TMEM91: variants seen among roughly 807,000 people sequenced by gnomAD.
The protein encoded by TMEM91 is transmembrane protein 91.
A neutral mutation model predicts 13.3 loss-of-function variants in TMEM91; 6 were observed. That is an observed-to-expected ratio of 0.45 (90% CI 0.25 to 0.89). The LOEUF (loss-of-function observed/expected upper bound fraction) is 0.89, where lower values mean the gene tolerates loss of function less well. TMEM91 is among the 40% of genes least tolerant of loss of function. The pLI is 0.19. For synonymous variants in TMEM91, 87 were observed against 101.7 expected (o/e 0.86, Z 0.87); for missense variants, 193 against 228.7 (o/e 0.84, Z 1.01).
chr19:41,383,640 G>A (rs1568494447), intron 3 of TMEM91, 75 bp from the exon 4 acceptor site: 1 of 1,614,092 alleles, frequency 6.2e-7, no homozygotes, highest in African/African-American at 1.3e-5. Context: ...TGGGTATGTT[G>A]GGTGGGGGAG....
chr19:41,384,065 A>G lies in TMEM91; in HGVS notation c.*192A>G. On this transcript the variant is annotated 3_prime_UTR_variant, in exon 4 of 4. Coordinates refer to ENST00000392002, the MANE Select transcript of TMEM91 (RefSeq NM_001098821.2). ...CGGCAGCAACCTGAGATTAAACACCAGACACCCTTGCAGCCAAACCAGAGT... is the reference window on the plus strand; with the variant it reads ...CGGCAGCAACCTGAGATTAAACACCGGACACCCTTGCAGCCAAACCAGAGT... The G allele has an allele frequency of 9.6e-7, 1 of 1,044,396 alleles. No individual in the cohort carries two copies. The highest frequency in any genetic ancestry group is 1.7e-5 in the African/African-American group (1 of 60,298). The allele number at this position is 1,044,396 out of a possible 1,614,324, so 64.7% of individuals were successfully genotyped here. A position where few individuals can be genotyped will look rare whatever the true frequency, so the allele number is the denominator to read the frequency against.
At position 41,378,431 on chromosome 19, in the gene TMEM91, C is replaced by A. The variant is rs753098355; in HGVS notation, c.122C>A (p.Ala41Asp). ...LGSPLREIAF[A>D]ESLRGLQFLS... ...TCCCCCTTAAGAGAGATAGCCTTTG[C>A]CGAGTCCCTGAGGGGTTTGCAGTTC... The change falls in exon 2 of 4, where the codon GCC (alanine) becomes GAC (aspartate). Residue 41 changes from alanine to aspartate, a missense_variant. Ala to Asp is a moderately radical substitution (Grantham distance 126). Coordinates refer to ENST00000392002, the MANE Select transcript of TMEM91 (RefSeq NM_001098821.2). 1 of 1,614,188 alleles carries A rather than the reference C, an allele frequency of 6.2e-7. No homozygotes were observed. The highest frequency in any genetic ancestry group is 2.2e-5 in the East Asian group (1 of 44,880).
chr19:41,369,015 C>T (rs541329905), intron 1 of TMEM91, among the ~76,000 whole-genome samples: 3 of 152,008 alleles, frequency 2.0e-5, no homozygotes, highest in Non-Finnish European at 4.4e-5. Context: ...ACTCTGGTGG[C>T]GGAGGTGGGA....
chr19:41,371,663 C>T (rs1041230939), upstream of TMEM91, among the ~76,000 whole-genome samples: 2 of 151,904 alleles, frequency 1.3e-5, no homozygotes, highest in African/African-American at 4.8e-5. Context: ...CGTGATCGGC[C>T]TGCCTCAGCC....
At chr19:41,368,706 G>A (rs543190459) in intron 1 of TMEM91, among the ~76,000 whole-genome samples, 3 of 151,586 alleles carry the variant, frequency 2.0e-5, no homozygotes, top group South Asian at 4.2e-4. Flanking sequence ...CACTGTGCCC[G>A]GCCTGAAGCT....
intron 1 of TMEM91, among the ~76,000 whole-genome samples, chr19:41,365,622 C>T (rs1477689482): frequency 1.7e-4 from 25 of 151,514 alleles, no homozygotes. Context: ...CCAGACCGGT[C>T]TCAAACTCCT....
intron 2 of TMEM91, among the ~76,000 whole-genome samples, chr19:41,381,698 G>A (rs1441900205): frequency 6.6e-6 from 1 of 151,960 alleles, no homozygotes; most frequent in Non-Finnish European, 1.5e-5. Flanking sequence ...TTTTTGTAGA[G>A]ATGGGGTCTT....
At chr19:41,368,598 C>T (rs113954533) in intron 1 of TMEM91, among the ~76,000 whole-genome samples, 4 of 151,580 alleles carry the variant, frequency 2.6e-5, no homozygotes, top group African/African-American at 4.8e-5. Flanking sequence ...TTAGTAGAGA[C>T]GGGGTTTCAC....
upstream of TMEM91, among the ~76,000 whole-genome samples, chr19:41,375,514 G>C (rs1163761245): frequency 6.6e-6 from 1 of 150,772 alleles, no homozygotes; most frequent in Non-Finnish European, 1.5e-5. Context: ...TCCTGACCTC[G>C]TGATCCGCCC....
At chr19:41,381,876 C>G (rs2038896247) in intron 2 of TMEM91, among the ~76,000 whole-genome samples, 1 of 150,636 alleles carries the variant, frequency 6.6e-6, no homozygotes, top group Admixed American at 6.6e-5. Flanking sequence ...AGGGGCTTTT[C>G]TTTTTTTGAG....
chr19:41,374,347 A>G (rs1268093080), upstream of TMEM91: 1 of 152,230 alleles, frequency 6.6e-6, no homozygotes, highest in Non-Finnish European at 1.5e-5. Context: ...AGCTTGCAAG[A>G]CGATGATAGT....
intron 1 of TMEM91, among the ~76,000 whole-genome samples, chr19:41,369,379 G>T (rs368196333): frequency 6.6e-6 from 1 of 151,842 alleles, no homozygotes; most frequent in Non-Finnish European, 1.5e-5. Context: ...GTATGGCCGC[G>T]CCTGGCCATC....
chr19:41,376,055 G>A (rs2038710649), upstream of TMEM91, among the ~76,000 whole-genome samples: 1 of 152,148 alleles, frequency 6.6e-6, no homozygotes, highest in Non-Finnish European at 1.5e-5. Flanking sequence ...GGGAAGCGGA[G>A]GTTGCGGTGA....
intron 1 of TMEM91, among the ~76,000 whole-genome samples, chr19:41,369,163 G>A (rs773264899): frequency 1.4e-4 from 21 of 151,820 alleles, no homozygotes; most frequent in Admixed American, 5.2e-4. Flanking sequence ...CGGCGGTCCC[G>A]GCTACTTCAT....
upstream of TMEM91, among the ~76,000 whole-genome samples, chr19:41,375,195 G>T (rs935962919): frequency 2.6e-5 from 4 of 151,396 alleles, no homozygotes; most frequent in Non-Finnish European, 4.4e-5. Flanking sequence ...ACAGCCCGGG[G>T]TTACAATATG....
chr19:41,375,017 A>G (rs944052185), upstream of TMEM91, among the ~76,000 whole-genome samples: 1 of 152,110 alleles, frequency 6.6e-6, no homozygotes, highest in Admixed American at 6.6e-5. Context: ...AAAGGAAACC[A>G]GGTCTATGTG....
chr19:41,382,700 G>A, intron 2 of TMEM91, 72 bp from the exon 3 acceptor site: 1 of 1,558,170 alleles, frequency 6.4e-7, no homozygotes, highest in South Asian at 1.2e-5. Context: ...GCCTTTGAGG[G>A]CTATGGAGAG....
chr19:41,373,387 G>T (rs1400997299), upstream of TMEM91, among the ~76,000 whole-genome samples: 2 of 151,708 alleles, frequency 1.3e-5, no homozygotes, highest in Non-Finnish European at 2.9e-5. Context: ...GACCCACAGA[G>T]CTCAATGATT....
chr19:41,372,539 T>C (rs2038641037), upstream of TMEM91, among the ~76,000 whole-genome samples: 1 of 152,114 alleles, frequency 6.6e-6, no homozygotes, highest in Non-Finnish European at 1.5e-5. Context: ...TATTACTTTG[T>C]TTTTTCATAA....
Sources: allele counts gnomAD v4.1 joint callset (sites outside exome capture counted in the v4.1 genomes callset), GRCh38; gene constraint gnomAD v4.1.1; transcripts MANE v1.5; gene names NCBI Gene and HGNC (gene_info 2026-07-23, HGNC 2026-07-21).